The following UBE2D2 variants were observed in gnomAD, a reference collection of about 807,000 sequenced individuals.
The protein encoded by UBE2D2 is ubiquitin-conjugating enzyme E2 D2.
Under a neutral mutation model 24.2 loss-of-function variants are expected in UBE2D2, and 2 were observed. The observed-to-expected ratio is 0.08, with a 90% CI of 0.03 to 0.26. The LOEUF (loss-of-function observed/expected upper bound fraction) is 0.26. Ranked by LOEUF, UBE2D2 falls within the 10% of genes least tolerant of loss-of-function variation. The probability of loss-of-function intolerance (pLI) is 1.00; values close to 1 mark genes in which losing one functional copy is unlikely to be tolerated. For synonymous variants in UBE2D2, 58 were observed against 56.5 expected (o/e 1.03, Z -0.12); for missense variants, 44 against 177.6 (o/e 0.25, Z 4.28).
intron 1 of UBE2D2, among the ~76,000 whole-genome samples, chr5:139,570,159 C>G (rs953633581): frequency 1.3e-5 from 2 of 150,200 alleles, no homozygotes; most frequent in Non-Finnish European, 2.9e-5. Context: ...CCTAGCTACT[C>G]AGGAGGCTGA....
rs186127225 is a variant in UBE2D2 at position 139,621,571 on chromosome 5, T to C, written c.305-1797T>C. Among the ~76,000 whole-genome samples, 7 of 152,300 alleles carry C rather than the reference T, an allele frequency of 4.6e-5. No homozygotes were observed. In the East Asian group the frequency reaches 1.4e-3, roughly 29 times the overall value. The stretch of plus-strand genomic sequence containing the variant: ...GCCTGCCACTGGAAAACAGTGATTG[T>C]TGGATTTTATGGTTGTCGTTTTTGC... On this transcript the variant is annotated intron_variant, in intron 5 of 6. Transcript: ENST00000398733.
intron 1 of UBE2D2, among the ~76,000 whole-genome samples, chr5:139,530,241 C>T (rs1361599288): frequency 1.3e-5 from 2 of 152,164 alleles, no homozygotes; most frequent in African/African-American, 2.4e-5. Flanking sequence ...ACGGCCCCCA[C>T]CAGGTTATAC....
At chr5:139,620,603 T>TA (rs1491051609) in intron 5 of UBE2D2, among the ~76,000 whole-genome samples, 1 of 152,092 alleles carries the variant, frequency 6.6e-6, no homozygotes. Context: ...CCTGATTTTT[T>TA]AAAAAAACTT....
chr5:139,586,169 T>G (rs1402979681), intron 1 of UBE2D2, among the ~76,000 whole-genome samples: 2 of 151,968 alleles, frequency 1.3e-5, no homozygotes, highest in African/African-American at 4.8e-5. Flanking sequence ...AAGATAAAGA[T>G]TATCTGGGGT....
At chr5:139,546,253 A>G (rs537843690) in intron 1 of UBE2D2, among the ~76,000 whole-genome samples, 3 of 151,946 alleles carry the variant, frequency 2.0e-5, no homozygotes, top group African/African-American at 7.2e-5. Flanking sequence ...CATGTTGGCC[A>G]GGCTGGTCTT....
upstream of UBE2D2, among the ~76,000 whole-genome samples, chr5:139,556,432 TA>T (rs374761803): frequency 8.9e-4 from 128 of 143,398 alleles, no homozygotes; most frequent in African/African-American, 2.7e-3. Flanking sequence ...CAAATAAACT[TA>T]AAAAAAAAAG....
At chr5:139,621,755 T>TG (rs1754517900) in intron 5 of UBE2D2, among the ~76,000 whole-genome samples, 1 of 152,166 alleles carries the variant, frequency 6.6e-6, no homozygotes, top group African/African-American at 2.4e-5. Context: ...CCTGAGTAGC[T>TG]GGGACCATAG....
At chr5:139,595,170 G>A (rs1039126719) in intron 1 of UBE2D2, among the ~76,000 whole-genome samples, 2 of 152,096 alleles carry the variant, frequency 1.3e-5, no homozygotes, top group Admixed American at 6.6e-5. Flanking sequence ...TGAAATTAAT[G>A]TATACGTTTA....
intron 5 of UBE2D2, among the ~76,000 whole-genome samples, chr5:139,619,381 G>T (rs978406738): frequency 4.9e-5 from 7 of 142,184 alleles, no homozygotes; most frequent in African/African-American, 1.9e-4. Flanking sequence ...GGGCAACAGA[G>T]CAAGAGTCTG....
At chr5:139,602,445 G>A (rs1158315465) in intron 2 of UBE2D2, among the ~76,000 whole-genome samples, 1 of 152,224 alleles carries the variant, frequency 6.6e-6, no homozygotes, top group Non-Finnish European at 1.5e-5. Context: ...GGGAGGCTGA[G>A]GCAGGCAGAT....
At chr5:139,562,351 T>G in intron 1 of UBE2D2, 1 of 1,340,140 alleles carries the variant, frequency 7.5e-7, no homozygotes, top group Non-Finnish European at 9.8e-7. Context: ...CACACATCGG[T>G]CCACCCTGCT....
intron 1 of UBE2D2, chr5:139,599,432 A>G (rs1398853877): frequency 6.6e-6 from 1 of 152,048 alleles, no homozygotes; most frequent in Non-Finnish European, 1.5e-5. Context: ...TAATAAATGA[A>G]ATGTTTACAT....
At chr5:139,616,835 G>A (rs1009131675) in intron 5 of UBE2D2, among the ~76,000 whole-genome samples, 1 of 152,124 alleles carries the variant, frequency 6.6e-6, no homozygotes, top group Non-Finnish European at 1.5e-5. Flanking sequence ...AAAATTGGAG[G>A]TTACTTACAG....
intron 1 of UBE2D2, among the ~76,000 whole-genome samples, chr5:139,545,267 T>C (rs190260279): frequency 6.6e-6 from 1 of 152,182 alleles, no homozygotes; most frequent in East Asian, 1.9e-4. Flanking sequence ...TAGGGATCTC[T>C]ATGTTGCACA....
At chr5:139,561,929 G>C in intron 1 of UBE2D2, 114 bp downstream of exon 1, 1 of 1,363,528 alleles carries the variant, frequency 7.3e-7, no homozygotes, top group Non-Finnish European at 9.6e-7. Flanking sequence ...TGCCGGTGCT[G>C]GCCCCTCGGG....
chr5:139,562,636 T>TA (rs1200850027), intron 1 of UBE2D2, among the ~76,000 whole-genome samples: 1 of 152,214 alleles, frequency 6.6e-6, no homozygotes, highest in Non-Finnish European at 1.5e-5. Context: ...TATTAGGTGA[T>TA]ATGTTTACCG....
At chr5:139,600,704 A>G (rs2126686123) in intron 2 of UBE2D2, among the ~76,000 whole-genome samples, 1 of 152,306 alleles carries the variant, frequency 6.6e-6, no homozygotes, top group Non-Finnish European at 1.5e-5. Context: ...GCTTTTACCT[A>G]CAACTAGCTA....
Position 139,561,425 on chromosome 5 carries a change from G to T in UBE2D2, c.-367G>T. 4.3e-6 allele frequency: 1 copy of T among 234,844 alleles called. No individual in the cohort carries two copies. Among genetic ancestry groups the T allele is most frequent in the Non-Finnish European group, 8.2e-6 (1 of 121,216 alleles). The allele number at this position is 234,844 out of a possible 1,614,324, so 14.5% of individuals were successfully genotyped here. On this transcript the variant is annotated 5_prime_UTR_variant, in exon 1 of 7. Coordinates refer to ENST00000398733, the MANE Select transcript of UBE2D2 (RefSeq NM_003339.3). ...AGGAAGACAGGCAATCCCTCCGGCT[G>T]TCCGACCAAGAGAGGCCGGCCGAGC...
intron 1 of UBE2D2, among the ~76,000 whole-genome samples, chr5:139,551,406 C>G (rs908476149): frequency 8.5e-5 from 13 of 152,152 alleles, no homozygotes; most frequent in African/African-American, 2.9e-4. Context: ...AATATCTTCT[C>G]CAAGGACAGA....
Sources: gnomAD v4.1 joint callset for allele counts (sites outside exome capture counted in the v4.1 genomes callset) on GRCh38, gnomAD v4.1.1 for gene constraint, MANE v1.5 for transcripts, NCBI Gene and HGNC (gene_info 2026-07-23, HGNC 2026-07-21) for gene names.